Variants in HDAC9 observed in about 807,000 individuals in gnomAD.
HDAC9 encodes histone deacetylase 9.
In HDAC9, 41 loss-of-function variants were observed where a neutral mutation model predicts 139.4. The observed-to-expected ratio is 0.29, with a 90% CI of 0.23 to 0.38. The LOEUF is 0.38. Ranked by LOEUF, HDAC9 falls within the 10% of genes least tolerant of loss-of-function variation. The pLI is 1.00. For missense variants in HDAC9, 1,147 were observed against 1,297.0 expected (o/e 0.88, Z 1.78); for synonymous variants, 517 against 476.2 (o/e 1.09, Z -1.12).
chr7:18,926,103 C>G (rs1804202366), intron 22 of HDAC9, among the ~76,000 whole-genome samples: 1 of 152,136 alleles, frequency 6.6e-6, no homozygotes, highest in African/African-American at 2.4e-5. Flanking sequence ...AATCCCAGAA[C>G]TCTGGGAGGC....
chr7:18,621,714 T>G (rs3807898), intron 6 of HDAC9, among the ~76,000 whole-genome samples: 1 of 152,214 alleles, frequency 6.6e-6, no homozygotes, highest in East Asian at 1.9e-4. Context: ...ATATAAAATC[T>G]AATTCATAAC....
intron 6 of HDAC9, among the ~76,000 whole-genome samples, chr7:18,621,719 C>G (rs991205557): frequency 2.6e-5 from 4 of 152,042 alleles, no homozygotes; most frequent in Non-Finnish European, 4.4e-5. Context: ...AAATCTAATT[C>G]ATAACATTAA....
chr7:18,949,516 G>T lies in HDAC9; in HGVS notation c.2938-4630G>T. ...CACAAAGGAAACTGTTGGCTGTACA[G>T]ACATTTTCAAAGTTGCCAGTGTTAC... On this transcript the variant is annotated intron_variant, in intron 23 of 25. Coordinates refer to ENST00000686413, the MANE Select transcript of HDAC9 (RefSeq NM_178425.4). 3 of 215,866 alleles carry T rather than the reference G, an allele frequency of 1.4e-5. No individual in the cohort carries two copies. The South Asian group carries it at 2.4e-4, about 17-fold the overall frequency. 13.4% of individuals were successfully genotyped at this position (215,866 alleles called of 1,614,324 possible). A position where few individuals can be genotyped will look rare whatever the true frequency, so the allele number is the denominator to read the frequency against.
chr7:18,946,914 T>C (rs1782445121), intron 23 of HDAC9, among the ~76,000 whole-genome samples: 1 of 152,036 alleles, frequency 6.6e-6, no homozygotes, highest in African/African-American at 2.4e-5. Context: ...ATATGGAGCA[T>C]AAAGCAAGTT....
chr7:18,293,100 A>C (rs906684249), intron 1 of HDAC9, among the ~76,000 whole-genome samples: 2 of 152,102 alleles, frequency 1.3e-5, no homozygotes, highest in African/African-American at 4.8e-5. Flanking sequence ...AATCTGATAC[A>C]ATTTGCAATC....
upstream of HDAC9, among the ~76,000 whole-genome samples, chr7:18,492,706 C>T (rs1366204043): frequency 2.0e-5 from 3 of 151,814 alleles, no homozygotes; most frequent in Non-Finnish European, 4.4e-5. Context: ...TCTTTTTCCC[C>T]CACATTAGTA....
At chr7:18,181,001 T>G (rs1218419413) in intron 2 of HDAC9, among the ~76,000 whole-genome samples, 1 of 152,160 alleles carries the variant, frequency 6.6e-6, no homozygotes, top group Non-Finnish European at 1.5e-5. Context: ...TCAAATCTCC[T>G]CCTCCTTCAC....
At chr7:18,769,948 AT>A (rs1284793571) in intron 16 of HDAC9, among the ~76,000 whole-genome samples, 2 of 152,162 alleles carry the variant, frequency 1.3e-5, no homozygotes, top group Non-Finnish European at 2.9e-5. Flanking sequence ...GTGATCCCCA[AT>A]TGTTAAAGTA....
chr7:18,601,831 A>G (rs1834027606), intron 6 of HDAC9, among the ~76,000 whole-genome samples: 1 of 152,156 alleles, frequency 6.6e-6, no homozygotes, highest in Admixed American at 6.6e-5. Context: ...TGCTTGTGTT[A>G]TACAACACTT....
At chr7:18,591,680 A>G in intron 5 of HDAC9, 38 bp downstream of exon 5, 3 of 1,607,168 alleles carry the variant, frequency 1.9e-6, no homozygotes, top group Non-Finnish European at 2.6e-6. Flanking sequence ...TCCTGGGGTA[A>G]AGAACACAGG....
At chr7:18,634,285 A>G (rs1015943999) in intron 7 of HDAC9, among the ~76,000 whole-genome samples, 5 of 149,560 alleles carry the variant, frequency 3.3e-5, no homozygotes, top group Admixed American at 3.3e-4. Flanking sequence ...CATTACTGTT[A>G]TTTTCTGTAA....
At chr7:18,645,996 A>G (rs1787267205) in intron 9 of HDAC9, among the ~76,000 whole-genome samples, 1 of 152,196 alleles carries the variant, frequency 6.6e-6, no homozygotes, top group Admixed American at 6.5e-5. Context: ...TATAAAAGAA[A>G]GCATTGAAAA....
chr7:18,931,285 T>C (rs1175907022), intron 22 of HDAC9, among the ~76,000 whole-genome samples: 1 of 152,154 alleles, frequency 6.6e-6, no homozygotes, highest in Non-Finnish European at 1.5e-5. Context: ...TTATCATTCT[T>C]TTTATTGTCA....
intron 1 of HDAC9, among the ~76,000 whole-genome samples, chr7:18,474,213 G>T (rs771665037): frequency 6.6e-6 from 1 of 152,176 alleles, no homozygotes; most frequent in African/African-American, 2.4e-5. Flanking sequence ...GTGGCAAAAT[G>T]TTAATAATGG....
intron 1 of HDAC9, among the ~76,000 whole-genome samples, chr7:18,320,507 G>A (rs748881684): frequency 2.6e-5 from 4 of 152,080 alleles, no homozygotes; most frequent in Non-Finnish European, 5.9e-5. Context: ...TGTCAATCAC[G>A]TTAACTAATC....
rs1024570019 is a variant in HDAC9, at chr7:18,478,165, G to A, written c.-41-18097G>A. On this transcript the variant is annotated intron_variant, in intron 1 of 3. Transcript: ENST00000413509. The stretch of plus-strand genomic sequence containing the variant: ...GGGCTCACTGCAAGCTCCGCCTCCC[G>A]GGTTCACGCCGTTTTCCTGCCTCAG... Among the ~76,000 whole-genome samples the A allele has an allele frequency of 2.0e-5, 3 of 151,906 alleles. No individual in the cohort carries two copies. In the East Asian group the frequency reaches 5.8e-4, roughly 29 times the overall value.
chr7:18,532,329 C>T (rs1189334306), intron 2 of HDAC9, among the ~76,000 whole-genome samples: 2 of 152,112 alleles, frequency 1.3e-5, no homozygotes, highest in African/African-American at 4.8e-5. Context: ...CACATTTTGG[C>T]CATCCAGGAA....
chr7:18,748,770 A>G (rs141210245), intron 13 of HDAC9, among the ~76,000 whole-genome samples: 1 of 152,362 alleles, frequency 6.6e-6, no homozygotes, highest in South Asian at 2.1e-4. Context: ...CAGATTTACT[A>G]AACTAGGGTC....
chr7:18,483,635 G>T (rs899042987), intron 1 of HDAC9, among the ~76,000 whole-genome samples: 23 of 152,148 alleles, frequency 1.5e-4, no homozygotes, highest in African/African-American at 5.3e-4. Context: ...AATTGCTTCT[G>T]GATACACATA....
Sources: allele counts gnomAD v4.1 joint callset (sites outside exome capture counted in the v4.1 genomes callset), GRCh38; gene constraint gnomAD v4.1.1; transcripts MANE v1.5; gene names NCBI Gene and HGNC (gene_info 2026-07-23, HGNC 2026-07-21).